The following CTNNA2 variants were observed in gnomAD, a reference collection of about 807,000 sequenced individuals.
The protein encoded by CTNNA2 is catenin alpha-2.
Under a neutral mutation model 101.0 loss-of-function variants are expected in CTNNA2, and 42 were observed. The observed-to-expected ratio is 0.42, with a 90% CI of 0.32 to 0.54. CTNNA2 has a LOEUF of 0.54. CTNNA2 is among the 20% of genes least tolerant of loss of function. The pLI, the probability that CTNNA2 is intolerant of heterozygous loss-of-function variation, is 0.14. For missense variants in CTNNA2, 871 were observed against 1,223.1 expected (o/e 0.71, Z 4.29); for synonymous variants, 450 against 456.4 (o/e 0.99, Z 0.18).
At chr2:80,646,651 G>T (rs1037956588) in intron 18 of CTNNA2, among the ~76,000 whole-genome samples, 2 of 151,814 alleles carry the variant, frequency 1.3e-5, no homozygotes, top group South Asian at 2.1e-4. Flanking sequence ...GAATGATCTA[G>T]TATACAGTAC....
At chr2:80,102,072 G>A (rs1700580944) in intron 7 of CTNNA2, among the ~76,000 whole-genome samples, 1 of 152,160 alleles carries the variant, frequency 6.6e-6, no homozygotes, top group African/African-American at 2.4e-5. Flanking sequence ...GGCACCATGT[G>A]TGTGTGGCTT....
intron 1 of CTNNA2, among the ~76,000 whole-genome samples, chr2:79,585,346 C>T (rs1359946339): frequency 6.6e-6 from 1 of 151,868 alleles, no homozygotes; most frequent in Non-Finnish European, 1.5e-5. Context: ...AATTGCTTTG[C>T]CTTGTTTAAC....
intron 4 of CTNNA2, among the ~76,000 whole-genome samples, chr2:79,484,440 G>C (rs942106494): frequency 6.6e-6 from 1 of 151,976 alleles, no homozygotes; most frequent in Admixed American, 6.6e-5. Flanking sequence ...TACACATATA[G>C]GTGGAAACAA....
chr2:80,034,357 T>TTC lies in CTNNA2; in HGVS notation c.1056+124561_1056+124562insCT, dbSNP rs1553434774. ...ATGCTGAATTTCATTTTTTTTTCTT[T>TTC]TTTTTTTTTTTTTTGATACGGAGTC... On this transcript the variant is annotated intron_variant, in intron 7 of 18. Transcript: ENST00000402739. 2.1e-4 allele frequency among the ~76,000 whole-genome samples: 25 copies of TTC among 119,608 alleles called. No homozygotes were observed. In the East Asian group the frequency reaches 5.7e-3, roughly 27 times the overall value. The allele number at this position is 119,608 out of a possible 152,430, so 78.5% of individuals were successfully genotyped here. A position where few individuals can be genotyped will look rare whatever the true frequency, so the allele number is the denominator to read the frequency against.
chr2:80,539,651 C>G (rs1438807988), intron 9 of CTNNA2, among the ~76,000 whole-genome samples: 1 of 152,114 alleles, frequency 6.6e-6, no homozygotes, highest in Non-Finnish European at 1.5e-5. Flanking sequence ...TTTTAAGGTA[C>G]TAAGTCAGAG....
chr2:80,591,158 T>C (rs1387263551), intron 15 of CTNNA2, among the ~76,000 whole-genome samples: 1 of 152,194 alleles, frequency 6.6e-6, no homozygotes, highest in Non-Finnish European at 1.5e-5. Context: ...TTGAGGGGTC[T>C]TGTTACATGG....
rs542196864 is a variant in CTNNA2 at position 80,194,587 on chromosome 2, A to G, written c.1057-198624A>G. On this transcript the variant is annotated intron_variant, in intron 7 of 18. Coordinates refer to ENST00000402739, the MANE Select transcript of CTNNA2 (RefSeq NM_001282597.3). ...CTCAATGTCTGTATATATAGTTTCT[A>G]TTATAGCTTAAAACCAGACCCAGGC... Among the ~76,000 whole-genome samples the G allele has an allele frequency of 2.6e-5, 4 of 151,650 alleles. No homozygotes were observed. In the South Asian group the frequency reaches 8.3e-4, roughly 32 times the overall value.
chr2:80,276,329 C>A (rs1188531372), intron 7 of CTNNA2, among the ~76,000 whole-genome samples: 1 of 152,124 alleles, frequency 6.6e-6, no homozygotes, highest in African/African-American at 2.4e-5. Flanking sequence ...GGGTGTTTGT[C>A]CTCAAGCCAC....
intron 18 of CTNNA2, among the ~76,000 whole-genome samples, chr2:80,632,027 A>C (rs1672349766): frequency 6.6e-6 from 1 of 152,134 alleles, no homozygotes; most frequent in Admixed American, 6.5e-5. Context: ...TTGATTATTA[A>C]ATTGATGCAT....
rs1334975678 is a variant in CTNNA2, at chr2:79,216,856, C to T, written c.-406+18780C>T. Among the ~76,000 whole-genome samples the T allele has an allele frequency of 2.1e-4, 32 of 152,094 alleles. 1 individual carries two copies. The highest frequency in any genetic ancestry group is 2.0e-3 in the Admixed American group (31 of 15,274). Reference sequence around the variant, plus strand: ...CCCCCCAGAACTGCAGTACTTGCCACTAAGGGTGAAGGACCAAGGCAGGCA... The same window carrying T: ...CCCCCCAGAACTGCAGTACTTGCCATTAAGGGTGAAGGACCAAGGCAGGCA... On this transcript the variant is annotated intron_variant, in intron 2 of 21. Coordinates refer to the CTNNA2 transcript ENST00000466387.
chr2:79,772,607 C>G (rs1673669330), intron 3 of CTNNA2, among the ~76,000 whole-genome samples: 1 of 152,184 alleles, frequency 6.6e-6, no homozygotes, highest in African/African-American at 2.4e-5. Context: ...AGGTTCTCTT[C>G]TGTTGCCCGG....
At chr2:80,020,993 CTTTTTTTT>C (rs869061321) in intron 7 of CTNNA2, among the ~76,000 whole-genome samples, 77 of 89,358 alleles carry the variant, frequency 8.6e-4, no homozygotes, top group African/African-American at 3.3e-3. Context: ...GACCAATCAT[CTTTTTTTT>C]TTTTTTTTTT....
At chr2:80,454,285 G>T (rs1193349978) in intron 9 of CTNNA2, among the ~76,000 whole-genome samples, 1 of 152,152 alleles carries the variant, frequency 6.6e-6, no homozygotes, top group Non-Finnish European at 1.5e-5. Context: ...TTGTCTCATT[G>T]CAGGAAGAGC....
rs760717069 is a variant in CTNNA2, at chr2:80,419,576, G to A, written c.1265G>A (p.Arg422His). The A allele has an allele frequency of 6.8e-6, 11 of 1,613,628 alleles. No individual in the cohort carries two copies. The highest frequency in any genetic ancestry group is 9.3e-6 in the Non-Finnish European group (11 of 1,179,790). Residue 422 changes from arginine to histidine, a missense_variant, in exon 9 of 19, where the codon CGT (arginine) becomes CAT (histidine). Physicochemically the swap from Arg to His is conservative, Grantham distance 29. Coordinates refer to ENST00000402739, the MANE Select transcript of CTNNA2 (RefSeq NM_001282597.3). The part of the protein sequence containing the change: ...KEVKEYAQVF[R>H]EHANKLVEVA... Reference sequence around the variant, plus strand: ...GTGAAAGAATATGCCCAAGTTTTCCGTGAGCATGCCAACAAACTGGTAGAG... The same window carrying A: ...GTGAAAGAATATGCCCAAGTTTTCCATGAGCATGCCAACAAACTGGTAGAG...
chr2:79,506,385 G>T (rs2103813022), intron 5 of CTNNA2, among the ~76,000 whole-genome samples: 1 of 152,102 alleles, frequency 6.6e-6, no homozygotes, highest in African/African-American at 2.4e-5. Flanking sequence ...CAAAGGAATT[G>T]TTTCTCTTCC....
intron 1 of CTNNA2, among the ~76,000 whole-genome samples, chr2:79,628,729 C>T (rs960160362): frequency 6.6e-6 from 1 of 152,130 alleles, no homozygotes; most frequent in African/African-American, 2.4e-5. Context: ...TTAAGACAGC[C>T]TCTGACTTGC....
chr2:80,556,273 C>T (rs1267925472), intron 12 of CTNNA2, among the ~76,000 whole-genome samples: 2 of 152,132 alleles, frequency 1.3e-5, no homozygotes, highest in Non-Finnish European at 2.9e-5. Flanking sequence ...GAAAATAGTG[C>T]AGATGTGATA....
chr2:80,175,294 A>G (rs1426955575), intron 7 of CTNNA2, among the ~76,000 whole-genome samples: 1 of 152,200 alleles, frequency 6.6e-6, no homozygotes, highest in African/African-American at 2.4e-5. Context: ...TCTCCCTGAT[A>G]GCACTTTTCA....
At chr2:79,794,044 A>G (rs1471006496) in intron 3 of CTNNA2, among the ~76,000 whole-genome samples, 3 of 152,104 alleles carry the variant, frequency 2.0e-5, no homozygotes, top group Non-Finnish European at 4.4e-5. Flanking sequence ...TGTACGATTC[A>G]GGGATGGGTG....
Sources: allele counts gnomAD v4.1 joint callset (sites outside exome capture counted in the v4.1 genomes callset), GRCh38; gene constraint gnomAD v4.1.1; transcripts MANE v1.5; gene names NCBI Gene and HGNC (gene_info 2026-07-23, HGNC 2026-07-21).